The following TMEM132D variants were observed in gnomAD, a reference collection of about 807,000 sequenced individuals.
TMEM132D encodes the protein mature OL transmembrane protein.
In TMEM132D, 21 loss-of-function variants were observed where a neutral mutation model predicts 62.3. The observed-to-expected ratio is 0.34, with a 90% CI of 0.24 to 0.49. The LOEUF (loss-of-function observed/expected upper bound fraction) is 0.49, where lower values mean the gene tolerates loss of function less well. Among genes scored for constraint, TMEM132D ranks in the 20% least tolerant of loss-of-function variants. The pLI, the probability that TMEM132D is intolerant of heterozygous loss-of-function variation, is 0.99. For synonymous variants in TMEM132D, 621 were observed against 575.6 expected (o/e 1.08, Z -1.13); for missense variants, 1,346 against 1,402.8 (o/e 0.96, Z 0.65).
chr12:129,704,315 G>A (rs894072060), intron 1 of TMEM132D, among the ~76,000 whole-genome samples: 1 of 152,224 alleles, frequency 6.6e-6, no homozygotes, highest in Non-Finnish European at 1.5e-5. Context: ...ATATCTGCAA[G>A]AGCAAAGGCC....
intron 2 of TMEM132D, among the ~76,000 whole-genome samples, chr12:129,699,357 T>C (rs1161231101): frequency 6.6e-6 from 1 of 152,234 alleles, no homozygotes; most frequent in Non-Finnish European, 1.5e-5. Context: ...TACCATATTA[T>C]ACTTAGAACT....
At chr12:129,788,416 CAT>C (rs759833436) in intron 1 of TMEM132D, among the ~76,000 whole-genome samples, 15 of 152,142 alleles carry the variant, frequency 9.9e-5, no homozygotes, top group African/African-American at 1.7e-4. Flanking sequence ...TTGTAAGAAA[CAT>C]AAAGAATAAA....
chr12:129,564,158 T>A (rs1427195890), intron 2 of TMEM132D, among the ~76,000 whole-genome samples: 1 of 152,180 alleles, frequency 6.6e-6, no homozygotes, highest in Non-Finnish European at 1.5e-5. Context: ...CTTACATAGA[T>A]GAGAGAACTG....
At chr12:129,621,722 G>A (rs1427782575) in intron 2 of TMEM132D, among the ~76,000 whole-genome samples, 1 of 152,170 alleles carries the variant, frequency 6.6e-6, no homozygotes, top group Non-Finnish European at 1.5e-5. Context: ...ATCTTCCAGT[G>A]GAGGTAGGTA....
At chr12:129,240,804 C>T (rs964420744) in intron 4 of TMEM132D, among the ~76,000 whole-genome samples, 5 of 152,132 alleles carry the variant, frequency 3.3e-5, no homozygotes, top group Admixed American at 6.5e-5. Context: ...GAAACTTGGT[C>T]CGCTTCAGGT....
intron 3 of TMEM132D, among the ~76,000 whole-genome samples, chr12:129,457,190 C>T (rs1873498995): frequency 1.3e-5 from 2 of 151,994 alleles, no homozygotes; most frequent in African/African-American, 4.8e-5. Context: ...GGAACCAACC[C>T]AAATGTCCAA....
chr12:129,334,604 CGTTTTGTTTT>C (rs1364240457), intron 4 of TMEM132D, among the ~76,000 whole-genome samples: 1 of 152,064 alleles, frequency 6.6e-6, no homozygotes, highest in Admixed American at 6.6e-5. Flanking sequence ...CAGCCCACCA[CGTTTTGTTTT>C]GTTTTGTTTT....
chr12:129,521,364 A>G (rs1875842309), intron 3 of TMEM132D: 1 of 152,214 alleles, frequency 6.6e-6, no homozygotes, highest in Admixed American at 6.5e-5. Flanking sequence ...AAGGTGAAAA[A>G]GCTTTTAACG....
At chr12:129,504,113 C>G (rs1875256662) in intron 3 of TMEM132D, among the ~76,000 whole-genome samples, 1 of 152,014 alleles carries the variant, frequency 6.6e-6, no homozygotes, top group Non-Finnish European at 1.5e-5. Flanking sequence ...ATCACTGTCA[C>G]CATCACTGCC....
chr12:129,650,676 G>A (rs955110788), intron 2 of TMEM132D, among the ~76,000 whole-genome samples: 21 of 152,234 alleles, frequency 1.4e-4, no homozygotes, highest in Middle Eastern at 3.4e-3. Context: ...GTACTTTGGC[G>A]TGACTTTAAT....
intron 2 of TMEM132D, among the ~76,000 whole-genome samples, chr12:129,627,150 G>A (rs887827356): frequency 3.3e-5 from 5 of 152,212 alleles, no homozygotes; most frequent in Admixed American, 3.3e-4. Flanking sequence ...ACGAGAACTA[G>A]GCAAGAGAGC....
At chr12:129,616,028 C>G (rs1047669678) in intron 2 of TMEM132D, among the ~76,000 whole-genome samples, 1 of 152,126 alleles carries the variant, frequency 6.6e-6, no homozygotes, top group African/African-American at 2.4e-5. Flanking sequence ...CAAAGTCAAC[C>G]ATTACAAAAC....
At chr12:129,079,661 C>T (rs11060121) in intron 7 of TMEM132D, among the ~76,000 whole-genome samples, 12,310 of 152,242 alleles carry the variant, frequency 0.081, 676 homozygotes, top group East Asian at 0.13. Context: ...TAGGTCAAGA[C>T]AGCAGTTTTC....
At chr12:129,259,761 C>T (rs574767005) in intron 4 of TMEM132D, among the ~76,000 whole-genome samples, 21 of 152,110 alleles carry the variant, frequency 1.4e-4, no homozygotes, top group Non-Finnish European at 2.5e-4. Flanking sequence ...AGAAGAAAAG[C>T]TAATGTGACT....
At chr12:129,179,589 A>T (rs1213864768) in intron 5 of TMEM132D, among the ~76,000 whole-genome samples, 1 of 152,212 alleles carries the variant, frequency 6.6e-6, no homozygotes, top group African/African-American at 2.4e-5. Context: ...TCCCTATGGA[A>T]AATGAACTCA....
chr12:129,592,961 T>C (rs2137136353), intron 2 of TMEM132D, among the ~76,000 whole-genome samples: 1 of 151,550 alleles, frequency 6.6e-6, no homozygotes, highest in African/African-American at 2.4e-5. Flanking sequence ...GAGGAGGAGG[T>C]TGAGGAGGAA....
At chr12:129,842,733 A>G (rs11060584) in intron 1 of TMEM132D, among the ~76,000 whole-genome samples, 19,113 of 152,062 alleles carry the variant, frequency 0.13, 1,808 homozygotes, top group East Asian at 0.52. Context: ...CCTCCCAAAG[A>G]GCTGAGATTT....
intron 3 of TMEM132D, among the ~76,000 whole-genome samples, chr12:129,423,502 G>T (rs936051861): frequency 2.0e-5 from 3 of 152,156 alleles, no homozygotes; most frequent in African/African-American, 4.8e-5. Flanking sequence ...ATTTGTAGGG[G>T]ATGTAGGGGT....
intron 4 of TMEM132D, among the ~76,000 whole-genome samples, chr12:129,307,650 C>A (rs749418352): frequency 6.6e-6 from 1 of 152,094 alleles, no homozygotes; most frequent in Non-Finnish European, 1.5e-5. Flanking sequence ...TTTCCCTCAA[C>A]ACTCACATAA....
Sources: gnomAD v4.1 joint callset for allele counts (sites outside exome capture counted in the v4.1 genomes callset) on GRCh38, gnomAD v4.1.1 for gene constraint, MANE v1.5 for transcripts, NCBI Gene and HGNC (gene_info 2026-07-23, HGNC 2026-07-21) for gene names.